ASIC2: variants seen among roughly 807,000 people sequenced by gnomAD.
ASIC2 encodes the protein acid-sensing ion channel 2.
ASIC2 carries 25 observed loss-of-function variants against 57.3 expected under a neutral mutation model. The ratio of observed to expected loss-of-function variants is 0.44; its 90% CI spans 0.32 to 0.61. The LOEUF (loss-of-function observed/expected upper bound fraction) is 0.61. Among genes scored for constraint, ASIC2 ranks in the 20% least tolerant of loss-of-function variants. The pLI is 0.06. For missense variants in ASIC2, 641 were observed against 738.1 expected, an observed-to-expected ratio of 0.87 and a Z score of 1.52; for synonymous variants, 319 against 307.5, an observed-to-expected ratio of 1.04 and a Z score of -0.39.
intron 1 of ASIC2, among the ~76,000 whole-genome samples, chr17:33,467,070 G>A (rs200948426): frequency 6.6e-6 from 1 of 152,126 alleles, no homozygotes; most frequent in East Asian, 1.9e-4. Context: ...CTACAGAATG[G>A]GAGAAAATTT....
chr17:33,112,273 G>T (rs1009462118), intron 1 of ASIC2: 6 of 616,376 alleles, frequency 9.7e-6, no homozygotes, highest in South Asian at 8.6e-5. Flanking sequence ...GAGCAAATCT[G>T]GATGCCCTTT....
intron 1 of ASIC2, among the ~76,000 whole-genome samples, chr17:33,974,781 C>G (rs1793533345): frequency 6.6e-6 from 1 of 151,930 alleles, no homozygotes; most frequent in Non-Finnish European, 1.5e-5. Context: ...AGTATCCATC[C>G]ATTCACATCT....
chr17:33,682,398 G>A lies in ASIC2; in HGVS notation c.555+473580C>T, dbSNP rs148188587. 8.5e-3 allele frequency among the ~76,000 whole-genome samples: 1,294 copies of A among 152,100 alleles called. 8 individuals carry two copies. The highest frequency in any genetic ancestry group is 0.02 in the Middle Eastern group (6 of 294). On this transcript the variant is annotated intron_variant, in intron 1 of 9. Coordinates refer to the ASIC2 transcript ENST00000359872. The stretch of plus-strand genomic sequence containing the variant: ...TCTGTGATGACATTTCTGTGAGCAG[G>A]CATCTAGGAGAGGATGAGCTCCATT...
chr17:33,458,439 G>A (rs1912526254), intron 1 of ASIC2, among the ~76,000 whole-genome samples: 1 of 151,752 alleles, frequency 6.6e-6, no homozygotes, highest in Non-Finnish European at 1.5e-5. Context: ...GTTTGACTGG[G>A]GAGCCAGGAG....
chr17:33,900,574 T>A (rs924360908), intron 1 of ASIC2, among the ~76,000 whole-genome samples: 5 of 152,192 alleles, frequency 3.3e-5, no homozygotes, highest in African/African-American at 1.2e-4. Flanking sequence ...AATTTTTTAA[T>A]CTCTATTAGA....
At chr17:34,099,621 AG>A (rs1307618288) in intron 1 of ASIC2, among the ~76,000 whole-genome samples, 1 of 149,712 alleles carries the variant, frequency 6.7e-6, no homozygotes, top group African/African-American at 2.5e-5. Flanking sequence ...GAGGAAAGAA[AG>A]AAAAAGAAAA....
intron 1 of ASIC2, among the ~76,000 whole-genome samples, chr17:34,099,636 AAG>A (rs1339060536): frequency 2.0e-5 from 3 of 150,336 alleles, no homozygotes; most frequent in East Asian, 3.9e-4. Flanking sequence ...AAGAAAAAGA[AAG>A]AAAGAAAAGA....
rs530712711 is a variant in ASIC2, at chr17:33,055,066, T to C, written c.988-26674A>G. 3.3e-5 allele frequency among the ~76,000 whole-genome samples: 5 copies of C among 152,276 alleles called. No homozygotes were observed. The East Asian group carries it at 9.7e-4, about 29-fold the overall frequency. ...TTCCCAGGGTTGACATTGGGGTGGTTTACCCCTTTCCCAGCACTCCAGGAA... is the reference window on the plus strand; with the variant it reads ...TTCCCAGGGTTGACATTGGGGTGGTCTACCCCTTTCCCAGCACTCCAGGAA... On this transcript the variant is annotated intron_variant, in intron 3 of 9. Coordinates refer to ENST00000225823, the MANE Select transcript of ASIC2 (RefSeq NM_183377.2).
intron 2 of ASIC2, among the ~76,000 whole-genome samples, chr17:33,093,727 G>A (rs1383107006): frequency 6.6e-6 from 1 of 152,192 alleles, no homozygotes; most frequent in Non-Finnish European, 1.5e-5. Flanking sequence ...GAGCCCTGTA[G>A]GAGGAGGCAG....
At chr17:33,538,576 CT>C (rs1915311127) in intron 1 of ASIC2, among the ~76,000 whole-genome samples, 1 of 152,234 alleles carries the variant, frequency 6.6e-6, no homozygotes, top group African/African-American at 2.4e-5. Flanking sequence ...GTTCCTCTGA[CT>C]CAGCCCAGCA....
At chr17:33,417,649 T>C (rs1312100719) in intron 1 of ASIC2, among the ~76,000 whole-genome samples, 1 of 152,140 alleles carries the variant, frequency 6.6e-6, no homozygotes, top group Non-Finnish European at 1.5e-5. Flanking sequence ...ACACTTTCCT[T>C]TGCCATGCTG....
intron 1 of ASIC2, among the ~76,000 whole-genome samples, chr17:33,187,247 C>T (rs1047578743): frequency 6.6e-5 from 10 of 152,288 alleles, no homozygotes; most frequent in Admixed American, 2.6e-4. Context: ...GAACAACCAA[C>T]GCTTCAAAAG....
At chr17:33,297,652 G>A (rs995887324), upstream of ASIC2, among the ~76,000 whole-genome samples, 1 of 151,880 alleles carries the variant, frequency 6.6e-6, no homozygotes, top group African/African-American at 2.4e-5. Flanking sequence ...GCAAAACCCT[G>A]TCTCTACAAA....
At chr17:33,193,156 C>G (rs1906492784) in intron 1 of ASIC2, among the ~76,000 whole-genome samples, 1 of 152,208 alleles carries the variant, frequency 6.6e-6, no homozygotes, top group Non-Finnish European at 1.5e-5. Context: ...TCATTTGAAG[C>G]AGGGAAACCC....
chr17:33,586,877 C>CT (rs1468155528), intron 1 of ASIC2, among the ~76,000 whole-genome samples: 1 of 152,236 alleles, frequency 6.6e-6, no homozygotes, highest in Non-Finnish European at 1.5e-5. Flanking sequence ...ATACACCTCT[C>CT]TGAGCAGTAT....
intron 1 of ASIC2, among the ~76,000 whole-genome samples, chr17:33,286,812 G>A (rs1905216546): frequency 6.6e-6 from 1 of 152,110 alleles, no homozygotes; most frequent in African/African-American, 2.4e-5. Flanking sequence ...ACATCACTGA[G>A]AGCTCCCAAA....
At chr17:33,369,934 A>C (rs1908978735) in intron 1 of ASIC2, among the ~76,000 whole-genome samples, 1 of 152,176 alleles carries the variant, frequency 6.6e-6, no homozygotes, top group Non-Finnish European at 1.5e-5. Flanking sequence ...TTTTAACCCC[A>C]TAAGCCATAC....
Position 34,090,816 on chromosome 17 carries a change from A to G in ASIC2, c.555+65162T>C, listed in dbSNP as rs112098596. ...TCTCCAAATAGGAGGGGTCTTGGCT[A>G]CCCAGTCCCCACCTCTTCCGCTTTT... is the stretch of plus-strand genomic sequence containing the variant. On this transcript the variant is annotated intron_variant, in intron 1 of 9. Transcript: ENST00000359872. Among the ~76,000 whole-genome samples, 185 of 152,264 alleles carry G rather than the reference A, an allele frequency of 1.2e-3. 5 individuals are homozygous for G. Among genetic ancestry groups the G allele is most frequent in the African/African-American group, 3.9e-3 (163 of 41,570 alleles).
chr17:33,439,929 G>T (rs532880097), intron 1 of ASIC2, among the ~76,000 whole-genome samples: 2 of 152,196 alleles, frequency 1.3e-5, no homozygotes, highest in Non-Finnish European at 2.9e-5. Context: ...AAGGTGACCT[G>T]GTAAAGGCAA....
Sources: gnomAD v4.1 joint callset for allele counts (sites outside exome capture counted in the v4.1 genomes callset) on GRCh38, gnomAD v4.1.1 for gene constraint, MANE v1.5 for transcripts, NCBI Gene and HGNC (gene_info 2026-07-23, HGNC 2026-07-21) for gene names.